The following MIPEP variants were observed in gnomAD, a reference collection of about 807,000 sequenced individuals.
MIPEP encodes the protein mitochondrial intermediate peptidase.
In MIPEP, 79 loss-of-function variants were observed where a neutral mutation model predicts 90.3. That is an observed-to-expected ratio of 0.87 (90% confidence interval 0.73 to 1.05). MIPEP has a LOEUF of 1.05. Among genes scored for constraint, MIPEP ranks in the 50% least tolerant of loss-of-function variants. The pLI, the probability that MIPEP is intolerant of heterozygous loss-of-function variation, is 0.00. For missense variants in MIPEP, 940 were observed against 905.6 expected (o/e 1.04, Z -0.49); for synonymous variants, 334 against 315.8 (o/e 1.06, Z -0.61).
intron 14 of MIPEP, among the ~76,000 whole-genome samples, chr13:23,829,777 C>T (rs1438854006): frequency 1.3e-5 from 2 of 152,018 alleles, no homozygotes; most frequent in Admixed American, 6.6e-5. Context: ...GACCTTATTT[C>T]TAAACAAGAC....
intron 18 of MIPEP, among the ~76,000 whole-genome samples, chr13:23,731,723 T>C (rs1391851820): frequency 1.3e-5 from 2 of 152,134 alleles, no homozygotes; most frequent in Non-Finnish European, 2.9e-5. Flanking sequence ...TCACAAAACA[T>C]ATCTCACGTA....
At chr13:23,814,866 C>T (rs374045197) in intron 14 of MIPEP, among the ~76,000 whole-genome samples, 5 of 152,182 alleles carry the variant, frequency 3.3e-5, no homozygotes, top group Non-Finnish European at 5.9e-5. Flanking sequence ...CCTATGATTG[C>T]GCTTCACTGT....
chr13:23,831,380 T>TGGCGGCGGG lies in MIPEP; in HGVS notation c.1653+4859_1653+4860insCCCGCCGCC, dbSNP rs1555237497. Reference sequence around the variant, plus strand: ...CGTCGGGGACAGCCTAGCTTCCCCATGGCGGGGGGGGGATGTGGATGGGAA... The same window carrying TGGCGGCGGG: ...CGTCGGGGACAGCCTAGCTTCCCCATGGCGGCGGGGGCGGGGGGGGGATGTGGATGGGAA... On this transcript the variant is annotated intron_variant, in intron 14 of 18. Transcript: ENST00000382172. 1.0e-3 allele frequency among the ~76,000 whole-genome samples: 16 copies of TGGCGGCGGG among 15,692 alleles called. 1 individual carries two copies. Among genetic ancestry groups the TGGCGGCGGG allele is most frequent in the African/African-American group, 1.2e-3 (16 of 13,374 alleles). The allele number at this position is 15,692 out of a possible 152,430, so 10.3% of individuals were successfully genotyped here. A position where few individuals can be genotyped will look rare whatever the true frequency, so the allele number is the denominator to read the frequency against.
intron 9 of MIPEP, among the ~76,000 whole-genome samples, chr13:23,860,487 C>T (rs1474088444): frequency 6.6e-6 from 1 of 152,160 alleles, no homozygotes; most frequent in African/African-American, 2.4e-5. Context: ...ACAGCCTCGG[C>T]TTGGAGGGGC....
intron 16 of MIPEP, among the ~76,000 whole-genome samples, chr13:23,798,676 T>C (rs1483609702): frequency 6.6e-6 from 1 of 152,148 alleles, no homozygotes; most frequent in East Asian, 1.9e-4. Flanking sequence ...GTTGACACAA[T>C]AGTGATTTCT....
intron 12 of MIPEP, among the ~76,000 whole-genome samples, chr13:23,838,318 G>C (rs1198750558): frequency 6.6e-6 from 1 of 151,822 alleles, no homozygotes; most frequent in Non-Finnish European, 1.5e-5. Flanking sequence ...TAAATTTTTA[G>C]ATTTTTTTTT....
At chr13:23,778,285 G>C (rs1341341226) in intron 16 of MIPEP, among the ~76,000 whole-genome samples, 1 of 152,158 alleles carries the variant, frequency 6.6e-6, no homozygotes, top group Admixed American at 6.5e-5. Context: ...GGAATTTGAA[G>C]ATAATGTATG....
chr13:23,752,975 C>T (rs558336842), intron 18 of MIPEP, among the ~76,000 whole-genome samples: 78 of 152,084 alleles, frequency 5.1e-4, no homozygotes, highest in Non-Finnish European at 1.0e-3. Context: ...GGCCTGTAAC[C>T]CCAGCACTTT....
intron 18 of MIPEP, among the ~76,000 whole-genome samples, chr13:23,735,356 C>A (rs1246713694): frequency 6.6e-6 from 1 of 152,018 alleles, no homozygotes; most frequent in East Asian, 1.9e-4. Flanking sequence ...TCTCTCTGCT[C>A]CTTAAAAATA....
chr13:23,755,253 G>A (rs996981013), intron 18 of MIPEP, among the ~76,000 whole-genome samples: 3 of 152,224 alleles, frequency 2.0e-5, no homozygotes, highest in African/African-American at 7.2e-5. Flanking sequence ...TTGTCTAAGC[G>A]TCTTTCACTA....
intron 9 of MIPEP, among the ~76,000 whole-genome samples, chr13:23,859,235 T>C (rs1172112074): frequency 1.3e-5 from 2 of 152,160 alleles, no homozygotes; most frequent in Non-Finnish European, 2.9e-5. Context: ...TTTCCCAAAA[T>C]GTAACCCATG....
chr13:23,831,385 G>GC lies in MIPEP; in HGVS notation c.1653+4854_1653+4855insG, dbSNP rs57512059. On this transcript the variant is annotated intron_variant, in intron 14 of 18. Coordinates refer to ENST00000382172, the MANE Select transcript of MIPEP (RefSeq NM_005932.4). ...GGGACAGCCTAGCTTCCCCATGGCG[G>GC]GGGGGGGATGTGGATGGGAATTGCC... is the stretch of plus-strand genomic sequence containing the variant. Among the ~76,000 whole-genome samples, 296 of 132,554 alleles carry GC rather than the reference G, an allele frequency of 2.2e-3. 10 individuals are homozygous for GC. Among genetic ancestry groups the GC allele is most frequent in the African/African-American group, 7.2e-3 (261 of 36,462 alleles). 87.0% of individuals were successfully genotyped at this position (132,554 alleles called of 152,430 possible).
At position 23,794,008 on chromosome 13, in the gene MIPEP, GA is replaced by G. The variant is rs367604015; in HGVS notation, c.1848+11941del. Among the ~76,000 whole-genome samples, 614 of 152,228 alleles carry G rather than the reference GA, an allele frequency of 4.0e-3. 2 individuals are homozygous for G. Among genetic ancestry groups the G allele is most frequent in the African/African-American group, 0.014 (594 of 41,530 alleles). On this transcript the variant is annotated intron_variant, in intron 16 of 18. Coordinates refer to ENST00000382172, the MANE Select transcript of MIPEP (RefSeq NM_005932.4). ...GACGTCACACTCAAATCTGTATTTA[GA>G]AAAGACCTCACTAATGTTGTGTGGA...
chr13:23,888,904 G>A (rs779406020), intron 1 of MIPEP: 1 of 530,132 alleles, frequency 1.9e-6, no homozygotes, highest in Non-Finnish European at 2.9e-6. Flanking sequence ...TCATGCAGAA[G>A]CAGTTCCCGG....
chr13:23,866,079 C>T (rs149037950), intron 7 of MIPEP, among the ~76,000 whole-genome samples: 22 of 152,234 alleles, frequency 1.4e-4, no homozygotes, highest in South Asian at 2.1e-4. Context: ...CATGAATGCC[C>T]GCCTTAGCCT....
In MIPEP at chr13:23,770,647, T is replaced by G. The variant is rs150270429; in HGVS notation, c.1849-10430A>C. Among the ~76,000 whole-genome samples the G allele has an allele frequency of 1.6e-4, 24 of 152,226 alleles. No individual in the cohort carries two copies. In the East Asian group the frequency reaches 3.9e-3, roughly 25 times the overall value. The stretch of plus-strand genomic sequence containing the variant: ...TCTGGTGTGGCTGATGTCCTGCAAT[T>G]GGGCTGGAGTCCTCACCTTCAGAGC... On this transcript the variant is annotated intron_variant, in intron 16 of 18. Transcript: ENST00000382172.
chr13:23,829,293 T>C (rs529501974), intron 14 of MIPEP, among the ~76,000 whole-genome samples: 2 of 152,230 alleles, frequency 1.3e-5, no homozygotes, highest in Non-Finnish European at 2.9e-5. Context: ...GGTGGGAAGA[T>C]TGCTTGAGGC....
At chr13:23,731,431 G>T (rs1242938083) in intron 18 of MIPEP, among the ~76,000 whole-genome samples, 2 of 152,178 alleles carry the variant, frequency 1.3e-5, no homozygotes, top group Non-Finnish European at 2.9e-5. Context: ...CGGCTGGGCA[G>T]AACTGCATAT....
chr13:23,747,042 G>A (rs1489304843), intron 18 of MIPEP, among the ~76,000 whole-genome samples: 1 of 152,224 alleles, frequency 6.6e-6, no homozygotes, highest in Non-Finnish European at 1.5e-5. Flanking sequence ...TGGCTAAGAG[G>A]TGTCGAGGAG....
Sources: allele counts gnomAD v4.1 joint callset (sites outside exome capture counted in the v4.1 genomes callset), GRCh38; gene constraint gnomAD v4.1.1; transcripts MANE v1.5; gene names NCBI Gene and HGNC (gene_info 2026-07-23, HGNC 2026-07-21).